The following ROBO1 variants were observed in gnomAD, a reference collection of about 807,000 sequenced individuals.
ROBO1 encodes the protein roundabout guidance receptor 1.
A neutral mutation model predicts 195.9 loss-of-function variants in ROBO1; 149 were observed. The ratio of observed to expected loss-of-function variants is 0.76; its 90% CI spans 0.67 to 0.87. The LOEUF (loss-of-function observed/expected upper bound fraction) is 0.87, where lower values mean the gene tolerates loss of function less well. ROBO1 is among the 40% of genes least tolerant of loss of function. The probability of loss-of-function intolerance (pLI) is 0.00; values close to 1 mark genes in which losing one functional copy is unlikely to be tolerated. For missense variants in ROBO1, 1,933 were observed against 2,068.3 expected, an observed-to-expected ratio of 0.93 and a Z score of 1.27; for synonymous variants, 816 against 733.2, an observed-to-expected ratio of 1.11 and a Z score of -1.82.
intron 4 of ROBO1, among the ~76,000 whole-genome samples, chr3:78,898,744 T>C (rs1019104092): frequency 6.6e-6 from 1 of 152,084 alleles, no homozygotes; most frequent in African/African-American, 2.4e-5. Flanking sequence ...AAATTTGGCA[T>C]ATATGAAAAT....
chr3:79,648,995 T>C (rs1330123329), intron 1 of ROBO1, among the ~76,000 whole-genome samples: 1 of 152,098 alleles, frequency 6.6e-6, no homozygotes, highest in Non-Finnish European at 1.5e-5. Flanking sequence ...TCAAACAACA[T>C]TTTTTAAGTG....
intron 2 of ROBO1, among the ~76,000 whole-genome samples, chr3:79,316,036 A>T (rs1487247445): frequency 1.3e-5 from 2 of 152,214 alleles, no homozygotes; most frequent in Non-Finnish European, 2.9e-5. Flanking sequence ...TTCTAACCTC[A>T]ATAGGGACAG....
At chr3:78,606,374 C>A (rs553345509) in intron 29 of ROBO1, among the ~76,000 whole-genome samples, 12 of 152,248 alleles carry the variant, frequency 7.9e-5, no homozygotes, top group African/African-American at 2.9e-4. Context: ...TCTCTGGCCC[C>A]AAATATTCAA....
chr3:79,611,833 C>T lies in ROBO1; in HGVS notation c.-50-21872G>A, dbSNP rs549181724. 4.6e-5 allele frequency among the ~76,000 whole-genome samples: 7 copies of T among 151,854 alleles called. No individual in the cohort carries two copies. In the South Asian group the frequency reaches 1.5e-3, roughly 32 times the overall value. On this transcript the variant is annotated intron_variant, in intron 1 of 30. Transcript: ENST00000464233. ...AGCAAACCACCATGGCACGTGTATA[C>T]CTATGGAAAAAACCTGCGCATTCTG... is the stretch of plus-strand genomic sequence containing the variant.
At chr3:78,678,855 G>C (rs1319645969) in intron 10 of ROBO1, among the ~76,000 whole-genome samples, 1 of 151,840 alleles carries the variant, frequency 6.6e-6, no homozygotes, top group East Asian at 1.9e-4. Context: ...TACCAAAGCC[G>C]GGCAGAGACA....
At chr3:79,355,059 CG>C (rs1292286970) in intron 2 of ROBO1, among the ~76,000 whole-genome samples, 3 of 151,738 alleles carry the variant, frequency 2.0e-5, no homozygotes, top group African/African-American at 7.3e-5. Flanking sequence ...CCAGGTACTC[CG>C]GAGGCTGAGG....
At chr3:78,663,472 C>G (rs1006517701) in intron 14 of ROBO1, among the ~76,000 whole-genome samples, 1 of 152,154 alleles carries the variant, frequency 6.6e-6, no homozygotes, top group Admixed American at 6.6e-5. Context: ...CCATCTCTTC[C>G]TTACCCACTG....
chr3:78,905,561 G>A (rs533618600), intron 4 of ROBO1, among the ~76,000 whole-genome samples: 1 of 152,206 alleles, frequency 6.6e-6, no homozygotes, highest in African/African-American at 2.4e-5. Flanking sequence ...GGAGGCTGCA[G>A]TGAGCTGTGA....
At chr3:78,698,055 T>G (rs1263216213) in intron 8 of ROBO1, among the ~76,000 whole-genome samples, 3 of 152,170 alleles carry the variant, frequency 2.0e-5, no homozygotes, top group Admixed American at 6.6e-5. Flanking sequence ...TTCCCCATTC[T>G]CATCTACAGT....
intron 4 of ROBO1, among the ~76,000 whole-genome samples, chr3:78,890,897 G>C (rs2036849774): frequency 1.3e-5 from 2 of 152,214 alleles, no homozygotes; most frequent in Admixed American, 6.5e-5. Flanking sequence ...GAGTAGCTAA[G>C]ATTACAGGTG....
chr3:79,665,158 CTATT>C (rs1412381563), intron 1 of ROBO1, among the ~76,000 whole-genome samples: 12 of 151,714 alleles, frequency 7.9e-5, no homozygotes, highest in African/African-American at 2.9e-4. Context: ...CATCAGAGGA[CTATT>C]TATTCAGCAG....
At chr3:78,804,477 G>GA (rs1332755188) in intron 4 of ROBO1, among the ~76,000 whole-genome samples, 1 of 152,058 alleles carries the variant, frequency 6.6e-6, no homozygotes, top group African/African-American at 2.4e-5. Flanking sequence ...GGCCAGTGGG[G>GA]ATGTTTCAAA....
At chr3:79,428,658 A>G (rs1391088897) in intron 2 of ROBO1, among the ~76,000 whole-genome samples, 2 of 152,218 alleles carry the variant, frequency 1.3e-5, no homozygotes, top group Non-Finnish European at 2.9e-5. Flanking sequence ...AGGAAAACAC[A>G]TGCCCACATG....
At chr3:79,644,650 A>G (rs1945764824) in intron 1 of ROBO1, among the ~76,000 whole-genome samples, 1 of 152,128 alleles carries the variant, frequency 6.6e-6, no homozygotes, top group South Asian at 2.1e-4. Context: ...CCCACAATAC[A>G]TGGGAATTCA....
intron 4 of ROBO1, among the ~76,000 whole-genome samples, chr3:78,766,085 C>G (rs1374434902): frequency 2.6e-5 from 4 of 152,080 alleles, no homozygotes. Flanking sequence ...TACTTTTGAC[C>G]ACATTTCCAA....
At position 79,316,377 on chromosome 3, in the gene ROBO1, T is replaced by C. The variant is rs181649771; in HGVS notation, c.89-190838A>G. ...TGTTTAAGATGTAGGAAAAATATGG[T>C]TGAAGCATATATTTAATGGGAATGA... is the stretch of plus-strand genomic sequence containing the variant. On this transcript the variant is annotated intron_variant, in intron 2 of 30. Transcript: ENST00000464233. Among the ~76,000 whole-genome samples the C allele has an allele frequency of 7.2e-5, 11 of 152,264 alleles. No homozygotes were observed. In the East Asian group the frequency reaches 9.6e-4, roughly 13 times the overall value.
At chr3:79,018,345 T>C in intron 3 of ROBO1, 3 of 1,599,156 alleles carry the variant, frequency 1.9e-6, no homozygotes, top group South Asian at 2.2e-5. Flanking sequence ...GGTTTGATCG[T>C]GCAAAGTGGA....
At chr3:79,243,282 C>T (rs1236876014) in intron 2 of ROBO1, among the ~76,000 whole-genome samples, 3 of 151,924 alleles carry the variant, frequency 2.0e-5, no homozygotes, top group Non-Finnish European at 4.4e-5. Context: ...TGAATAGTGC[C>T]GCTATAAACA....
intron 2 of ROBO1, among the ~76,000 whole-genome samples, chr3:79,535,448 G>A (rs1559972224): frequency 6.6e-6 from 1 of 152,056 alleles, no homozygotes; most frequent in Non-Finnish European, 1.5e-5. Context: ...TCCTCTCAAA[G>A]TTTATGTTAA....
Sources: allele counts gnomAD v4.1 joint callset (sites outside exome capture counted in the v4.1 genomes callset), GRCh38; gene constraint gnomAD v4.1.1; transcripts MANE v1.5; gene names NCBI Gene and HGNC (gene_info 2026-07-23, HGNC 2026-07-21).